The following BABAM2 variants were observed in gnomAD, a reference collection of about 807,000 sequenced individuals.
The protein encoded by BABAM2 is BRISC and BRCA1-A complex member 2.
In BABAM2, 31 loss-of-function variants were observed where a neutral mutation model predicts 54.7. The observed-to-expected ratio is 0.57, with a 90% CI of 0.43 to 0.77. BABAM2 has a LOEUF of 0.77. Among genes scored for constraint, BABAM2 ranks in the 30% least tolerant of loss-of-function variants. The probability of loss-of-function intolerance (pLI) is 0.00; values close to 1 mark genes in which losing one functional copy is unlikely to be tolerated. For synonymous variants in BABAM2, 167 were observed against 162.9 expected (o/e 1.03, Z -0.19); for missense variants, 364 against 455.8 (o/e 0.80, Z 1.83).
intron 6 of BABAM2, among the ~76,000 whole-genome samples, chr2:28,057,284 T>A (rs1473259183): frequency 6.6e-6 from 1 of 152,244 alleles, no homozygotes; most frequent in Non-Finnish European, 1.5e-5. Context: ...TACTTCCTTG[T>A]CTTACTAATC....
At chr2:28,078,304 A>G (rs116612809) in intron 6 of BABAM2, among the ~76,000 whole-genome samples, 4,455 of 150,080 alleles carry the variant, frequency 0.03, 210 homozygotes, top group African/African-American at 0.1. Context: ...TGGTACCACA[A>G]TGCTTGAATT....
At chr2:27,892,312 G>A (rs1664924866) in intron 1 of BABAM2, 1 of 152,184 alleles carries the variant, frequency 6.6e-6, no homozygotes, top group African/African-American at 2.4e-5. Context: ...AGATAGAGAT[G>A]AGTAATATAA....
intron 4 of BABAM2, among the ~76,000 whole-genome samples, chr2:27,998,489 A>G (rs1297168724): frequency 6.6e-6 from 1 of 151,566 alleles, no homozygotes; most frequent in Non-Finnish European, 1.5e-5. Flanking sequence ...TTTTTACTTT[A>G]TATATTATCA....
At chr2:28,221,088 T>TTC (rs1680364239) in intron 7 of BABAM2, among the ~76,000 whole-genome samples, 1 of 151,106 alleles carries the variant, frequency 6.6e-6, no homozygotes, top group South Asian at 2.1e-4. Context: ...CCACCGCTGC[T>TTC]TCTCTCTCTC....
intron 7 of BABAM2, among the ~76,000 whole-genome samples, chr2:28,234,525 A>G (rs1010901154): frequency 6.6e-6 from 1 of 152,194 alleles, no homozygotes; most frequent in Non-Finnish European, 1.5e-5. Flanking sequence ...CTGATTAAAG[A>G]CTTCTCTTGT....
chr2:28,121,561 A>C (rs999613101), intron 6 of BABAM2, among the ~76,000 whole-genome samples: 1 of 152,194 alleles, frequency 6.6e-6, no homozygotes, highest in African/African-American at 2.4e-5. Context: ...ATAGCAAGTC[A>C]AGAGCACTTT....
At chr2:28,216,729 C>A (rs1679949152) in intron 7 of BABAM2, among the ~76,000 whole-genome samples, 1 of 152,164 alleles carries the variant, frequency 6.6e-6, no homozygotes. Flanking sequence ...AAATATTCAC[C>A]ATAAGAAGAA....
chr2:28,066,182 TA>T (rs926472341), intron 6 of BABAM2, among the ~76,000 whole-genome samples: 13 of 149,688 alleles, frequency 8.7e-5, no homozygotes, highest in Admixed American at 6.7e-5. Flanking sequence ...AATAAATAAA[TA>T]AAAAATAAAA....
chr2:28,211,333 GTATTTAATAA>G (rs1462895230), intron 7 of BABAM2, among the ~76,000 whole-genome samples: 1 of 144,740 alleles, frequency 6.9e-6, no homozygotes, highest in Non-Finnish European at 1.5e-5. Context: ...GTCATTCTTA[GTATTTAATAA>G]CATTTGGTCA....
intron 11 of BABAM2, among the ~76,000 whole-genome samples, chr2:28,324,592 A>G (rs1437038955): frequency 2.0e-5 from 3 of 150,848 alleles, no homozygotes; most frequent in African/African-American, 7.3e-5. Context: ...TGGGCAACAT[A>G]GTGAGACCCG....
Position 28,338,572 on chromosome 2 carries a change from A to G in BABAM2, c.*59A>G. 1 of 1,586,570 alleles carries G rather than the reference A, an allele frequency of 6.3e-7. No homozygotes were observed. On this transcript the variant is annotated 3_prime_UTR_variant, in exon 12 of 12. Transcript: ENST00000379624. ...TGCCTGTCCACATGCGTGTCAGCAC[A>G]TACAGCCGCTTCCTGGAAGCCGCCT...
Position 28,304,825 on chromosome 2 carries a change from A to C in BABAM2, c.1088+6334A>C, listed in dbSNP as rs1220078518. ...TCGAACTCCTGAGCACAGGCAATCC[A>C]CCTGCCTTGGCCTCCCAAAGTGCTA... On this transcript the variant is annotated intron_variant, in intron 11 of 11. Coordinates refer to ENST00000379624, the MANE Select transcript of BABAM2 (RefSeq NM_199191.3). This position sits in a 1 kb window ranked among gnomAD's most constrained non-coding sequence, Gnocchi z 4.0. Among the ~76,000 whole-genome samples, 1 of 149,064 alleles carries C rather than the reference A, an allele frequency of 6.7e-6. No individual in the cohort carries two copies. Among genetic ancestry groups the C allele is most frequent in the African/African-American group, 2.4e-5 (1 of 41,050 alleles).
At chr2:28,036,037 G>A (rs1676633632) in intron 5 of BABAM2, among the ~76,000 whole-genome samples, 1 of 152,092 alleles carries the variant, frequency 6.6e-6, no homozygotes, top group Non-Finnish European at 1.5e-5. Context: ...TGTGAGGAAG[G>A]ACTCTAATTG....
chr2:27,920,148 C>T (rs566679318), intron 2 of BABAM2, among the ~76,000 whole-genome samples: 1 of 152,174 alleles, frequency 6.6e-6, no homozygotes, highest in South Asian at 2.1e-4. Flanking sequence ...TGAAAATCAA[C>T]CGAGAAAATC....
intron 10 of BABAM2, among the ~76,000 whole-genome samples, chr2:28,287,598 A>T (rs1572348054): frequency 6.6e-6 from 1 of 152,178 alleles, no homozygotes; most frequent in East Asian, 1.9e-4. Flanking sequence ...TGAGAAGTGG[A>T]TTATATGGAC....
At chr2:28,014,159 A>G (rs1279737116) in intron 4 of BABAM2, among the ~76,000 whole-genome samples, 8 of 152,182 alleles carry the variant, frequency 5.3e-5, no homozygotes, top group Admixed American at 5.2e-4. Flanking sequence ...GATGAGGGTC[A>G]CATACAGGAT....
intron 11 of BABAM2, among the ~76,000 whole-genome samples, chr2:28,324,816 A>G (rs1690310541): frequency 6.6e-6 from 1 of 152,136 alleles, no homozygotes; most frequent in Admixed American, 6.5e-5. Flanking sequence ...AAGAAAGAAA[A>G]GAAAAGAAAA....
chr2:27,890,197 A>G (rs184123655), upstream of BABAM2: 391 of 1,535,394 alleles, frequency 2.5e-4, 2 homozygotes, highest in African/African-American at 4.5e-3. This position sits in a 1 kb window ranked among gnomAD's most constrained non-coding sequence, Gnocchi z 4.8. Flanking sequence ...CACTGGGCGC[A>G]TAGCGCACGG....
intron 10 of BABAM2, among the ~76,000 whole-genome samples, chr2:28,282,891 C>T (rs547691975): frequency 4.1e-5 from 6 of 146,290 alleles, no homozygotes; most frequent in East Asian, 4.2e-4. Context: ...GTCAGCTACT[C>T]GGGAGGCTGA....
Sources: allele counts gnomAD v4.1 joint callset (sites outside exome capture counted in the v4.1 genomes callset), GRCh38; gene constraint gnomAD v4.1.1; non-coding constraint Gnocchi (gnomAD v3.1); transcripts MANE v1.5; gene names NCBI Gene and HGNC (gene_info 2026-07-23, HGNC 2026-07-21).